The following ALDH1A1 variants were observed in gnomAD, a reference collection of about 807,000 sequenced individuals.
ALDH1A1 encodes the protein aldehyde dehydrogenase 1 family member A1.
A neutral mutation model predicts 62.1 loss-of-function variants in ALDH1A1; 19 were observed. The observed-to-expected ratio is 0.31, with a 90% CI of 0.21 to 0.45. The LOEUF (loss-of-function observed/expected upper bound fraction) is 0.45. ALDH1A1 is among the 20% of genes least tolerant of loss of function. The probability of loss-of-function intolerance (pLI) is 1.00; values close to 1 mark genes in which losing one functional copy is unlikely to be tolerated. For missense variants in ALDH1A1, 521 were observed against 607.1 expected, an observed-to-expected ratio of 0.86 and a Z score of 1.49; for synonymous variants, 231 against 215.9, an observed-to-expected ratio of 1.07 and a Z score of -0.61.
In ALDH1A1 at chr9:72,932,603, T is replaced by C. The variant is rs768842651; in HGVS notation, c.172-1584A>G. ...TAACTTTTCAGAGAATGATGATATA[T>C]ACAAAATATATGTATTTATTGCCTG... On this transcript the variant is annotated intron_variant, in intron 2 of 12. Transcript: ENST00000297785. Among the ~76,000 whole-genome samples, 6 of 152,316 alleles carry C rather than the reference T, an allele frequency of 3.9e-5. No homozygotes were observed. In the South Asian group the frequency reaches 1.2e-3, roughly 32 times the overall value.
In ALDH1A1 at chr9:72,908,556, A is replaced by AAAG. The variant is rs1381633528; in HGVS notation, c.1358+1043_1358+1045dup. Among the ~76,000 whole-genome samples the AAAG allele has an allele frequency of 7.1e-3, 27 of 3,820 alleles. 2 individuals carry two copies. Among genetic ancestry groups the AAAG allele is most frequent in the South Asian group, 0.037 (3 of 82 alleles). 2.5% of individuals were successfully genotyped at this position (3,820 alleles called of 152,430 possible). A position where few individuals can be genotyped will look rare whatever the true frequency, so the allele number is the denominator to read the frequency against. On this transcript the variant is annotated intron_variant, in intron 11 of 12. Coordinates refer to ENST00000297785, the MANE Select transcript of ALDH1A1 (RefSeq NM_000689.5). ...GAAAGAAAGAAAGAAAAGAAAGAAG[A>AAAG]AAGAAAGAAAGAAAGAAAGAAAGAA...
intron 7 of ALDH1A1, among the ~76,000 whole-genome samples, chr9:72,920,801 T>A (rs1830130530): frequency 6.6e-6 from 1 of 152,242 alleles, no homozygotes; most frequent in Non-Finnish European, 1.5e-5. Context: ...CAAAGGAGTA[T>A]GCAATGAAGA....
intron 2 of ALDH1A1, among the ~76,000 whole-genome samples, chr9:72,934,745 G>A (rs1295759124): frequency 6.6e-6 from 1 of 152,158 alleles, no homozygotes; most frequent in African/African-American, 2.4e-5. Flanking sequence ...ACTAAGGAAA[G>A]TTCTTTAAAG....
chr9:72,931,790 T>A (rs1421872595), intron 2 of ALDH1A1, among the ~76,000 whole-genome samples: 1 of 152,202 alleles, frequency 6.6e-6, no homozygotes, highest in Non-Finnish European at 1.5e-5. Context: ...TACAAAGAGA[T>A]CCTTTTAAAT....
chr9:72,930,175 C>T (rs1445733262), intron 3 of ALDH1A1, among the ~76,000 whole-genome samples: 2 of 151,950 alleles, frequency 1.3e-5, no homozygotes. Flanking sequence ...ATCATAATGC[C>T]CAATTGAGAC....
At chr9:72,903,052 A>G (rs1381325757) in intron 12 of ALDH1A1, among the ~76,000 whole-genome samples, 1 of 152,074 alleles carries the variant, frequency 6.6e-6, no homozygotes, top group Non-Finnish European at 1.5e-5. Context: ...AAGTAGGCAC[A>G]GAAGAACTGT....
At position 72,940,211 on chromosome 9, in the gene ALDH1A1, C is replaced by A. The variant is rs1430550312; in HGVS notation, c.108G>T (p.Lys36Asn). 6.2e-7 allele frequency: 1 copy of A among 1,613,668 alleles called. No homozygotes were observed. Among genetic ancestry groups the A allele is most frequent in the African/African-American group, 1.3e-5 (1 of 74,896 alleles). Reference protein sequence around the residue: ...NNEWHDSVSGKKFPVFNPATE... With the variant: ...NNEWHDSVSGNKFPVFNPATE... ...TTGCAGGATTAAAGACAGGAAATTT[C>A]TTGCCACTCACTGAATCATGCCATT... Residue 36 changes from lysine (K) to asparagine (N), a missense_variant, in exon 2 of 13, where the codon AAG becomes AAT. Coordinates refer to ENST00000297785, the MANE Select transcript of ALDH1A1 (RefSeq NM_000689.5).
Position 72,916,941 on chromosome 9 carries a change from T to C in ALDH1A1, c.1014A>G (p.Pro338=). 1 of 1,611,810 alleles carries C rather than the reference T, an allele frequency of 6.2e-7. No individual in the cohort carries two copies. Among genetic ancestry groups the C allele is most frequent in the Non-Finnish European group, 8.5e-7 (1 of 1,178,800 alleles). Residue 338 remains proline (P), a synonymous_variant, in exon 9 of 13, where the codon CCA becomes CCG. Coordinates refer to ENST00000297785, the MANE Select transcript of ALDH1A1 (RefSeq NM_000689.5). Reference sequence around the variant, plus strand: ...TTACCTGAGGGCCTTGAGTGACTCCTGGGGTCAGAGGATTTCCAAGGATAT... The same window carrying C: ...TTACCTGAGGGCCTTGAGTGACTCCCGGGGTCAGAGGATTTCCAAGGATAT... The part of the protein sequence containing the change: ...KKYILGNPLT[P]GVTQGPQIDK...
At chr9:72,917,958 A>C (rs1830084355) in intron 8 of ALDH1A1, among the ~76,000 whole-genome samples, 1 of 152,238 alleles carries the variant, frequency 6.6e-6, no homozygotes, top group Non-Finnish European at 1.5e-5. Context: ...TCATGTTTAT[A>C]GAATATTTCA....
intron 6 of ALDH1A1, 46 bp downstream of exon 6, chr9:72,925,438 T>C: frequency 6.2e-7 from 1 of 1,601,006 alleles, no homozygotes; most frequent in Non-Finnish European, 8.5e-7. Flanking sequence ...TATTGTAATT[T>C]AGGATTCTTG....
At chr9:72,936,606 G>A (rs190299469) in intron 2 of ALDH1A1, among the ~76,000 whole-genome samples, 3 of 146,926 alleles carry the variant, frequency 2.0e-5, no homozygotes, top group East Asian at 2.1e-4. Context: ...GATAAAAGGC[G>A]TTCATTCTTC....
intron 10 of ALDH1A1, among the ~76,000 whole-genome samples, chr9:72,911,279 T>C (rs1214860679): frequency 6.6e-6 from 1 of 152,090 alleles, no homozygotes; most frequent in East Asian, 1.9e-4. Context: ...TGTTTTCAAA[T>C]ACATGGATGG....
In ALDH1A1 at chr9:72,931,023, TAAG is replaced by T; in HGVS notation, c.172-7_172-5del. On this transcript the variant is annotated splice_region_variant and splice_polypyrimidine_tract_variant and intron_variant, in intron 2 of 12. Transcript: ENST00000297785. ...TCACTGCCTTGTCAACATCCTCCTG[TAAG>T]TCAACAGGAATTCAATTCAGTAAGC... The T allele has an allele frequency of 6.2e-7, 1 of 1,613,914 alleles. No individual in the cohort carries two copies.
chr9:72,940,089 C>T, intron 2 of ALDH1A1, 59 bp downstream of exon 2: 1 of 1,327,464 alleles, frequency 7.5e-7, no homozygotes, highest in African/African-American at 1.5e-5. Flanking sequence ...TTCAGGAGCT[C>T]AGAATGGCAA....
chr9:72,914,330 A>G (rs1156303703), intron 9 of ALDH1A1, among the ~76,000 whole-genome samples: 2 of 152,210 alleles, frequency 1.3e-5, no homozygotes, highest in African/African-American at 4.8e-5. Context: ...GGAAGCATGT[A>G]ATTTTTATTT....
At chr9:72,927,742 G>A (rs1830229326) in intron 4 of ALDH1A1, among the ~76,000 whole-genome samples, 1 of 152,050 alleles carries the variant, frequency 6.6e-6, no homozygotes. Context: ...ATCTCCCTAT[G>A]AGTAATAAGC....
intron 8 of ALDH1A1, among the ~76,000 whole-genome samples, chr9:72,918,310 G>A (rs1471773830): frequency 6.6e-6 from 1 of 152,196 alleles, no homozygotes; most frequent in African/African-American, 2.4e-5. Flanking sequence ...ATGACCCAGA[G>A]TGAAGGGAGA....
At chr9:72,938,749 A>ATT (rs879761628) in intron 2 of ALDH1A1, among the ~76,000 whole-genome samples, 1 of 139,026 alleles carries the variant, frequency 7.2e-6, no homozygotes, top group Non-Finnish European at 1.6e-5. Context: ...AGACTATTTA[A>ATT]TTTTTTTTTT....
intron 9 of ALDH1A1, among the ~76,000 whole-genome samples, chr9:72,913,926 G>T (rs1830024812): frequency 6.6e-6 from 1 of 152,198 alleles, no homozygotes. Context: ...GGTCAGTTTT[G>T]TCTGGCTAAT....
Sources: gnomAD v4.1 joint callset for allele counts (sites outside exome capture counted in the v4.1 genomes callset) on GRCh38, gnomAD v4.1.1 for gene constraint, MANE v1.5 for transcripts, NCBI Gene and HGNC (gene_info 2026-07-23, HGNC 2026-07-21) for gene names.